The following LRRTM4 variants were observed in gnomAD, a reference collection of about 807,000 sequenced individuals.
LRRTM4 encodes the protein leucine-rich repeat transmembrane neuronal protein 4.
Under a neutral mutation model 47.6 loss-of-function variants are expected in LRRTM4, and 25 were observed. That is an observed-to-expected ratio of 0.53 (90% confidence interval 0.38 to 0.73). The LOEUF (loss-of-function observed/expected upper bound fraction) is 0.73. LRRTM4 is among the 30% of genes least tolerant of loss of function. The probability of loss-of-function intolerance (pLI) is 0.00; values close to 1 mark genes in which losing one functional copy is unlikely to be tolerated. For synonymous variants in LRRTM4, 311 were observed against 269.5 expected (o/e 1.15, Z -1.51); for missense variants, 638 against 713.4 (o/e 0.89, Z 1.20).
At chr2:76,864,747 G>T (rs905236012) in intron 3 of LRRTM4, among the ~76,000 whole-genome samples, 2 of 151,368 alleles carry the variant, frequency 1.3e-5, no homozygotes, top group South Asian at 2.1e-4. Flanking sequence ...TTAAGACAAG[G>T]TCTCTCTGTT....
chr2:76,795,185 G>A (rs1409109112), intron 3 of LRRTM4, among the ~76,000 whole-genome samples: 3 of 151,876 alleles, frequency 2.0e-5, no homozygotes, highest in South Asian at 4.2e-4. Context: ...ATAGAAAAAG[G>A]TGCCCGAATC....
intron 3 of LRRTM4, among the ~76,000 whole-genome samples, chr2:77,212,598 G>C (rs1318612621): frequency 2.0e-5 from 3 of 148,676 alleles, no homozygotes; most frequent in Admixed American, 2.0e-4. Context: ...TTCATTTAGA[G>C]ATAAACAAAT....
intron 3 of LRRTM4, among the ~76,000 whole-genome samples, chr2:77,369,113 T>A (rs1672562940): frequency 6.6e-6 from 1 of 151,796 alleles, no homozygotes; most frequent in South Asian, 2.1e-4. Flanking sequence ...CACCTTTTTA[T>A]GTACCTGTTG....
At chr2:77,340,217 C>G (rs1671321456) in intron 3 of LRRTM4, among the ~76,000 whole-genome samples, 1 of 151,724 alleles carries the variant, frequency 6.6e-6, no homozygotes. Context: ...CCACGCATTG[C>G]TGGAGGTGGC....
chr2:76,842,141 C>T (rs772400008), intron 3 of LRRTM4, among the ~76,000 whole-genome samples: 2 of 152,096 alleles, frequency 1.3e-5, no homozygotes, highest in African/African-American at 2.4e-5. Flanking sequence ...TCAAATCAGC[C>T]GAGGGCCTGA....
At chr2:77,208,069 G>A (rs1211706567) in intron 3 of LRRTM4, among the ~76,000 whole-genome samples, 2 of 151,820 alleles carry the variant, frequency 1.3e-5, no homozygotes, top group Non-Finnish European at 2.9e-5. Flanking sequence ...AGTAGAGACA[G>A]GGTTTCACCA....
intron 3 of LRRTM4, among the ~76,000 whole-genome samples, chr2:76,792,939 G>C (rs1328131783): frequency 6.6e-6 from 1 of 152,140 alleles, no homozygotes; most frequent in African/African-American, 2.4e-5. Context: ...TGGTTGTTAG[G>C]GGTGGAGGGT....
At chr2:77,209,499 G>T (rs1450033096) in intron 3 of LRRTM4, among the ~76,000 whole-genome samples, 1 of 151,826 alleles carries the variant, frequency 6.6e-6, no homozygotes, top group Non-Finnish European at 1.5e-5. Context: ...GCAATTCTTG[G>T]TTGCAGTAGT....
chr2:77,216,389 G>A (rs963401761), intron 3 of LRRTM4, among the ~76,000 whole-genome samples: 6 of 152,228 alleles, frequency 3.9e-5, no homozygotes, highest in South Asian at 4.2e-4. Flanking sequence ...TATTTGGGCC[G>A]GGCGCGGTAG....
At chr2:76,810,177 C>T (rs2103816335) in intron 3 of LRRTM4, among the ~76,000 whole-genome samples, 1 of 152,114 alleles carries the variant, frequency 6.6e-6, no homozygotes, top group Non-Finnish European at 1.5e-5. Context: ...ACTTCACACT[C>T]ACTCACTAAC....
chr2:76,865,587 C>T (rs1404962079), intron 3 of LRRTM4, among the ~76,000 whole-genome samples: 4 of 152,110 alleles, frequency 2.6e-5, no homozygotes, highest in African/African-American at 9.7e-5. Flanking sequence ...CACATAAGTT[C>T]TCATTGAACA....
chr2:77,227,103 A>G (rs1367908148), intron 3 of LRRTM4, among the ~76,000 whole-genome samples: 1 of 151,992 alleles, frequency 6.6e-6, no homozygotes, highest in Admixed American at 6.6e-5. Flanking sequence ...TTGCAATGGT[A>G]GTTGTTGCTC....
chr2:77,118,327 C>A (rs76924991), intron 3 of LRRTM4, among the ~76,000 whole-genome samples: 1 of 151,744 alleles, frequency 6.6e-6, no homozygotes, highest in African/African-American at 2.4e-5. Flanking sequence ...AAAGACAATG[C>A]CAAAACTCAG....
In LRRTM4 at chr2:77,050,128, C is replaced by CTTTTTT. The variant is rs745419725; in HGVS notation, c.1552-301218_1552-301213dup. 2.0e-4 allele frequency among the ~76,000 whole-genome samples: 23 copies of CTTTTTT among 112,670 alleles called. 1 individual carries two copies. Among genetic ancestry groups the CTTTTTT allele is most frequent in the African/African-American group, 7.3e-4 (21 of 28,584 alleles). The allele number at this position is 112,670 out of a possible 152,430, so 73.9% of individuals were successfully genotyped here. A position where few individuals can be genotyped will look rare whatever the true frequency, so the allele number is the denominator to read the frequency against. ...CAGATGTGTTTTGTTAGAACCAAGT[C>CTTTTTT]TTTTTTTTTTTTTTTTTTGCTTTGA... On this transcript the variant is annotated intron_variant, in intron 3 of 3. Coordinates refer to ENST00000409884, the MANE Select transcript of LRRTM4 (RefSeq NM_001134745.3).
intron 3 of LRRTM4, among the ~76,000 whole-genome samples, chr2:77,273,677 C>A (rs1676264747): frequency 6.6e-6 from 1 of 152,088 alleles, no homozygotes; most frequent in South Asian, 2.1e-4. Context: ...TTCCCCTTTG[C>A]AAACAAAATT....
intron 3 of LRRTM4, among the ~76,000 whole-genome samples, chr2:76,919,208 C>T (rs190222105): frequency 2.0e-5 from 3 of 152,248 alleles, no homozygotes; most frequent in Non-Finnish European, 2.9e-5. Context: ...GGAGTTCAAT[C>T]ATATACGCAC....
chr2:77,011,762 A>G (rs776656708), intron 3 of LRRTM4, among the ~76,000 whole-genome samples: 1 of 152,050 alleles, frequency 6.6e-6, no homozygotes, highest in Non-Finnish European at 1.5e-5. Flanking sequence ...GGGTAAATAT[A>G]TAACTCTTAA....
chr2:77,106,118 T>C (rs1219977099), intron 3 of LRRTM4, among the ~76,000 whole-genome samples: 1 of 152,202 alleles, frequency 6.6e-6, no homozygotes, highest in Non-Finnish European at 1.5e-5. Flanking sequence ...ATATCTCAGA[T>C]TAAATATCAC....
At chr2:76,830,792 A>G (rs974678530) in intron 3 of LRRTM4, among the ~76,000 whole-genome samples, 6 of 152,064 alleles carry the variant, frequency 3.9e-5, no homozygotes, top group African/African-American at 1.4e-4. Flanking sequence ...TATATTAAAC[A>G]ATTTAAAGTA....
Sources: allele counts gnomAD v4.1 joint callset (sites outside exome capture counted in the v4.1 genomes callset), GRCh38; gene constraint gnomAD v4.1.1; transcripts MANE v1.5; gene names NCBI Gene and HGNC (gene_info 2026-07-23, HGNC 2026-07-21).